The following TAX1BP1 variants were observed in gnomAD, a reference collection of about 807,000 sequenced individuals.
TAX1BP1 encodes Tax1 binding protein 1, also known as tax1-binding protein 1.
TAX1BP1 carries 62 observed loss-of-function variants against 97.7 expected under a neutral mutation model. That is an observed-to-expected ratio of 0.63 (90% CI 0.52 to 0.78). The LOEUF (loss-of-function observed/expected upper bound fraction) is 0.78, where lower values mean the gene tolerates loss of function less well. Ranked by LOEUF, TAX1BP1 falls within the 30% of genes least tolerant of loss-of-function variation. The pLI is 0.00. For synonymous variants in TAX1BP1, 340 were observed against 304.2 expected (o/e 1.12, Z -1.23); for missense variants, 867 against 916.1 (o/e 0.95, Z 0.69).
At chr7:27,794,015 T>A (rs973930716) in intron 10 of TAX1BP1, among the ~76,000 whole-genome samples, 2 of 152,236 alleles carry the variant, frequency 1.3e-5, no homozygotes, top group African/African-American at 4.8e-5. Flanking sequence ...TGTATGAATT[T>A]GGCCTGGGGC....
At chr7:27,816,811 C>G (rs923873765) in intron 14 of TAX1BP1, 79 bp from the exon 15 acceptor site, 1 of 1,514,876 alleles carries the variant, frequency 6.6e-7, no homozygotes, top group Non-Finnish European at 8.9e-7. Flanking sequence ...TTCTTTATAT[C>G]CTGTTCATCA....
chr7:27,741,773 A>G (rs1787615321), intron 1 of TAX1BP1, among the ~76,000 whole-genome samples: 1 of 152,174 alleles, frequency 6.6e-6, no homozygotes, highest in African/African-American at 2.4e-5. Flanking sequence ...GATCCGGGGA[A>G]CCAGCGTTCA....
chr7:27,817,158 AGT>A (rs1471625299), intron 15 of TAX1BP1, 120 bp downstream of exon 15: 1 of 1,241,546 alleles, frequency 8.1e-7, no homozygotes, highest in Non-Finnish European at 1.1e-6. Flanking sequence ...GTGGAAGGAG[AGT>A]GTGTGCTTGT....
At chr7:27,828,117 A>C (rs761399725) in intron 16 of TAX1BP1, among the ~76,000 whole-genome samples, 1 of 152,222 alleles carries the variant, frequency 6.6e-6, no homozygotes, top group Non-Finnish European at 1.5e-5. Context: ...AAAAACACCT[A>C]ATGTTGTATA....
intron 13 of TAX1BP1, among the ~76,000 whole-genome samples, chr7:27,804,235 T>G (rs1790251202): frequency 6.6e-6 from 1 of 152,222 alleles, no homozygotes; most frequent in Admixed American, 6.5e-5. Flanking sequence ...TGACCAGCGA[T>G]GTTACAAAAT....
intron 13 of TAX1BP1, among the ~76,000 whole-genome samples, chr7:27,809,206 G>A (rs943982681): frequency 1.3e-5 from 2 of 152,156 alleles, no homozygotes; most frequent in African/African-American, 4.8e-5. Context: ...CGAAACAAAT[G>A]TAAGATTTAG....
intron 1 of TAX1BP1, among the ~76,000 whole-genome samples, chr7:27,741,991 C>G (rs1787628512): frequency 6.6e-6 from 1 of 152,228 alleles, no homozygotes; most frequent in Non-Finnish European, 1.5e-5. Context: ...ATAAACATCT[C>G]AATGCTTTAC....
intron 15 of TAX1BP1, among the ~76,000 whole-genome samples, chr7:27,818,364 T>A (rs1790857019): frequency 6.6e-6 from 1 of 152,154 alleles, no homozygotes; most frequent in South Asian, 2.1e-4. Context: ...GTAATTCTTA[T>A]GTATATTCAG....
In TAX1BP1 at chr7:27,816,766, A is replaced by T. The variant is rs1790782708; in HGVS notation, c.1937-124A>T. The T allele has an allele frequency of 1.3e-5, 17 of 1,262,608 alleles. 1 individual carries two copies. Among genetic ancestry groups the T allele is most frequent in the Non-Finnish European group, 1.6e-5 (15 of 918,830 alleles). 78.2% of individuals were successfully genotyped at this position (1,262,608 alleles called of 1,614,324 possible). ...ATTTAAAAAATCACCTGGGTTAAAA[A>T]TAAAAACATCTATTTTTTTCACATG... On this transcript the variant is annotated intron_variant, in intron 14 of 16. Coordinates refer to ENST00000396319, the MANE Select transcript of TAX1BP1 (RefSeq NM_006024.7).
intron 12 of TAX1BP1, among the ~76,000 whole-genome samples, chr7:27,798,467 C>T (rs1261519461): frequency 6.6e-6 from 1 of 151,818 alleles, no homozygotes; most frequent in Non-Finnish European, 1.5e-5. Flanking sequence ...AGTTTGTGAC[C>T]AGCCTGGCTA....
At position 27,785,156 on chromosome 7, in the gene TAX1BP1, T is replaced by G. The variant is rs780515678; in HGVS notation, c.613-7T>G. 6.3e-7 allele frequency: 1 copy of G among 1,594,348 alleles called. No homozygotes were observed. Among genetic ancestry groups the G allele is most frequent in the Admixed American group, 1.8e-5 (1 of 54,518 alleles). On this transcript the variant is annotated splice_polypyrimidine_tract_variant and splice_region_variant and intron_variant, in intron 5 of 16. Transcript: ENST00000396319. ...TTTTCTCAAAATACCTTGTTGTCAC[T>G]TCTCAGGGTCTTACTGAAGTAACAC...
At chr7:27,819,874 G>A (rs547704647) in intron 15 of TAX1BP1, among the ~76,000 whole-genome samples, 1 of 152,130 alleles carries the variant, frequency 6.6e-6, no homozygotes, top group East Asian at 1.9e-4. Flanking sequence ...AGTAACCCTC[G>A]GAATTTACTG....
intron 3 of TAX1BP1, among the ~76,000 whole-genome samples, chr7:27,758,524 T>A (rs1788309268): frequency 6.6e-6 from 1 of 152,150 alleles, no homozygotes; most frequent in Non-Finnish European, 1.5e-5. Flanking sequence ...TTATAGTTAT[T>A]TGAATTCTGT....
At chr7:27,825,680 G>A (rs887172123) in intron 15 of TAX1BP1, among the ~76,000 whole-genome samples, 2 of 151,946 alleles carry the variant, frequency 1.3e-5, no homozygotes, top group African/African-American at 2.4e-5. Flanking sequence ...GGTATTTAAC[G>A]AGCAGGGTTA....
At chr7:27,806,846 A>G (rs187894866) in intron 13 of TAX1BP1, among the ~76,000 whole-genome samples, 1 of 152,308 alleles carries the variant, frequency 6.6e-6, no homozygotes, top group East Asian at 1.9e-4. Context: ...CTTAGGGATA[A>G]CTAACATCTT....
chr7:27,788,277 A>G (rs149453789), intron 8 of TAX1BP1, among the ~76,000 whole-genome samples: 9 of 152,124 alleles, frequency 5.9e-5, no homozygotes, highest in African/African-American at 1.7e-4. Context: ...TATAATGTCA[A>G]TTTGTTTCGT....
At chr7:27,789,399 CTTGT>C (rs1418723417) in intron 8 of TAX1BP1, among the ~76,000 whole-genome samples, 1 of 151,746 alleles carries the variant, frequency 6.6e-6, no homozygotes, top group Non-Finnish European at 1.5e-5. Context: ...CAATCTCTTC[CTTGT>C]TTTTTTAAAC....
chr7:27,787,488 A>G lies in TAX1BP1; in HGVS notation c.923A>G (p.Asp308Gly), dbSNP rs750607494. The G allele has an allele frequency of 6.2e-7, 1 of 1,613,652 alleles. No homozygotes were observed. The highest frequency in any genetic ancestry group is 2.2e-5 in the East Asian group (1 of 44,826). ...GAGGTCCAGACTTTAAAAAATTTAG[A>G]TGGGAACAAAGAAAGCGTGATTACT... ...MSEVQTLKNLDGNKESVITHF... is the reference protein window; with the variant it reads ...MSEVQTLKNLGGNKESVITHF... Residue 308 changes from aspartate (D) to glycine (G), a missense_variant, in exon 8 of 17, where the codon GAT (aspartate) becomes GGT (glycine). By Grantham distance (94) the Asp-to-Gly change is moderately conservative. This residue lies in a region of TAX1BP1 where 822 missense variants were observed against 851.4 expected (regional missense o/e 0.97). Transcript: ENST00000396319.
rs1316876385 is a variant in TAX1BP1 at position 27,758,230 on chromosome 7, G to A, written c.265+97G>A. 5 of 925,248 alleles carry A rather than the reference G, an allele frequency of 5.4e-6. No homozygotes were observed. In the East Asian group the frequency reaches 1.3e-4, roughly 24 times the overall value. The allele number at this position is 925,248 out of a possible 1,614,324, so 57.3% of individuals were successfully genotyped here. ...GTAATGATTTGTTCAGGTATCTCCAGGGTACCAAAGTTGAATTAGTTAGTG... is the reference window on the plus strand; with the variant it reads ...GTAATGATTTGTTCAGGTATCTCCAAGGTACCAAAGTTGAATTAGTTAGTG... On this transcript the variant is annotated intron_variant, in intron 3 of 16. Transcript: ENST00000396319.
Sources: allele counts gnomAD v4.1 joint callset (sites outside exome capture counted in the v4.1 genomes callset), GRCh38; gene constraint gnomAD v4.1.1; regional missense constraint gnomAD v4.1.1; transcripts MANE v1.5; gene names NCBI Gene and HGNC (gene_info 2026-07-23, HGNC 2026-07-21).